MCF2: variants seen among roughly 807,000 people sequenced by gnomAD.
The protein encoded by MCF2 is MCF.2 cell line derived transforming sequence.
Under a neutral mutation model 82.5 loss-of-function variants are expected in MCF2, and 44 were observed. The observed-to-expected ratio is 0.53, with a 90% confidence interval of 0.42 to 0.69. The LOEUF is 0.69. Among genes scored for constraint, MCF2 ranks in the 30% least tolerant of loss-of-function variants. MCF2 has a pLI of 0.00. For synonymous variants in MCF2, 217 were observed against 224.9 expected, an observed-to-expected ratio of 0.96 and a Z score of 0.32; for missense variants, 623 against 663.1, an observed-to-expected ratio of 0.94 and a Z score of 0.66.
At chrX:139,616,547 G>A (rs938414297) in intron 8 of MCF2, 74 bp from the exon 12 acceptor site, 16 of 591,980 alleles carry the variant, frequency 2.7e-5, no homozygotes, top group Admixed American at 1.1e-4. Flanking sequence ...CAATAAGTGA[G>A]TGGTTCTCAG....
chrX:139,584,425 C>G lies in MCF2; in HGVS notation c.2745+641G>C, dbSNP rs1928769723. Among the ~76,000 whole-genome samples the G allele has an allele frequency of 5.4e-5, 6 of 111,462 alleles. No individual in the cohort carries two copies. In the South Asian group the frequency reaches 2.3e-3, roughly 42 times the overall value. On this transcript the variant is annotated intron_variant, in intron 24 of 24. Transcript: ENST00000370576. ...ACCTCCAAGCATCACTCCTACCTTCCAAGCTGGTGACTTTAGAAAAGTAGG... is the reference window on the plus strand; with the variant it reads ...ACCTCCAAGCATCACTCCTACCTTCGAAGCTGGTGACTTTAGAAAAGTAGG...
intron 1 of MCF2, among the ~76,000 whole-genome samples, chrX:139,662,676 C>G (rs991967013): frequency 6.3e-5 from 7 of 110,373 alleles, no homozygotes; most frequent in African/African-American, 2.3e-4. Flanking sequence ...TACCCAAGTG[C>G]TTGGGTACCC....
chrX:139,695,758 T>C (rs1237310310), intron 1 of MCF2, among the ~76,000 whole-genome samples: 1 of 112,309 alleles, frequency 8.9e-6, no homozygotes, highest in East Asian at 2.8e-4. Context: ...GTTGCAATTG[T>C]TTGCAGGTCT....
chrX:139,604,319 CAA>C (rs35554292), intron 15 of MCF2, among the ~76,000 whole-genome samples: 1 of 98,687 alleles, frequency 1.0e-5, no homozygotes, highest in East Asian at 3.2e-4. Flanking sequence ...GTTTTTTAGG[CAA>C]AAAAAAAAAA....
rs146788918 is a variant in MCF2, at chrX:139,669,891, G to A, written c.-44-18103C>T. ...TAGATTAGAGATTGCCTAGGGCTAG[G>A]GGAATCAGGGAGCTTCGGAAATGAT... On this transcript the variant is annotated intron_variant, in intron 1 of 27. Transcript: ENST00000414978. 1.2e-4 allele frequency among the ~76,000 whole-genome samples: 13 copies of A among 111,895 alleles called. No individual in the cohort carries two copies. In the East Asian group the frequency reaches 3.4e-3, roughly 29 times the overall value.
chrX:139,594,770 A>T (rs1408495706), intron 19 of MCF2, among the ~76,000 whole-genome samples: 2 of 109,886 alleles, frequency 1.8e-5, no homozygotes, highest in Non-Finnish European at 3.8e-5. Context: ...AAAAGAAACT[A>T]CCATCAGAGT....
chrX:139,613,114 C>A, intron 10 of MCF2, 102 bp downstream of exon 14: 1 of 525,158 alleles, frequency 1.9e-6, no homozygotes, highest in Non-Finnish European at 3.1e-6. Flanking sequence ...AGGTAGAATG[C>A]AACAATGAAC....
intron 1 of MCF2, among the ~76,000 whole-genome samples, chrX:139,640,531 C>T (rs1005823330): frequency 9.0e-6 from 1 of 111,011 alleles, no homozygotes; most frequent in East Asian, 2.8e-4. Context: ...ATTCTCCTCC[C>T]CTCTCTCTCA....
At chrX:139,642,690 A>G (rs1395443863) in exon 1 of MCF2, 5 of 1,096,548 alleles carry the variant, frequency 4.6e-6, no homozygotes, top group Admixed American at 7.4e-5. Flanking sequence ...AGGAAAAAAA[A>G]AAAAAAACCA....
chrX:139,631,308 T>TG (rs201633231), intron 3 of MCF2, 87 bp downstream of exon 6: 31 of 547,138 alleles, frequency 5.7e-5, no homozygotes, highest in Admixed American at 1.1e-4. Context: ...TGTTTTGTTT[T>TG]TTTCAAATAG....
At chrX:139,597,181 G>C (rs1930172416) in intron 18 of MCF2, among the ~76,000 whole-genome samples, 2 of 111,003 alleles carry the variant, frequency 1.8e-5, no homozygotes, top group African/African-American at 6.5e-5. Context: ...AGCAATTATG[G>C]AGCAATACGT....
chrX:139,634,719 T>C (rs947561262), intron 1 of MCF2, among the ~76,000 whole-genome samples: 1 of 111,913 alleles, frequency 8.9e-6, no homozygotes, highest in Non-Finnish European at 1.9e-5. Flanking sequence ...CCTTCTATTA[T>C]TCTACACATT....
At chrX:139,677,634 TC>T (rs1264056367) in intron 1 of MCF2, among the ~76,000 whole-genome samples, 3 of 111,795 alleles carry the variant, frequency 2.7e-5, no homozygotes, top group Non-Finnish European at 5.6e-5. Context: ...ACCACTCCCA[TC>T]TTTTCCCCCT....
At chrX:139,662,922 T>G (rs1198545977) in intron 1 of MCF2, among the ~76,000 whole-genome samples, 2 of 112,073 alleles carry the variant, frequency 1.8e-5, no homozygotes, top group Non-Finnish European at 3.8e-5. Flanking sequence ...CTGGTTTATT[T>G]CACTTAAAAT....
At chrX:139,700,308 T>G (rs1473882047) in intron 1 of MCF2, among the ~76,000 whole-genome samples, 1 of 111,415 alleles carries the variant, frequency 9.0e-6, no homozygotes, top group Non-Finnish European at 1.9e-5. Context: ...CTACCCCTCC[T>G]GTGATAATTT....
intron 1 of MCF2, among the ~76,000 whole-genome samples, chrX:139,670,556 G>T (rs1934655504): frequency 9.1e-6 from 1 of 110,474 alleles, no homozygotes; most frequent in Non-Finnish European, 1.9e-5. Flanking sequence ...GGTCAGAACA[G>T]GCGGTGTTTG....
chrX:139,690,767 C>T, intron 1 of MCF2, among the ~76,000 whole-genome samples: 1 of 111,628 alleles, frequency 9.0e-6, no homozygotes, highest in Middle Eastern at 4.6e-3. Context: ...TTTTTGAATA[C>T]CAAAACTTCC....
exon 25 of MCF2, chrX:139,582,271 T>A (rs751097369): frequency 1.5e-4 from 72 of 466,069 alleles, no homozygotes; most frequent in Non-Finnish European, 2.6e-4. Context: ...AAATACATGA[T>A]TTTAAAAAGA....
exon 15 of MCF2, chrX:139,604,716 C>T: frequency 8.3e-7 from 1 of 1,198,593 alleles, no homozygotes; most frequent in African/African-American, 1.7e-5. Context: ...CTTTCTGGAG[C>T]ATGAGCACAA....
Sources: allele counts gnomAD v4.1 joint callset (sites outside exome capture counted in the v4.1 genomes callset), GRCh38; gene constraint gnomAD v4.1.1; transcripts MANE v1.5; gene names NCBI Gene and HGNC (gene_info 2026-07-23, HGNC 2026-07-21).